Variants in FAM114A1 observed in about 807,000 individuals in gnomAD.
The protein encoded by FAM114A1 is protein NOXP20.
A neutral mutation model predicts 64.3 loss-of-function variants in FAM114A1; 62 were observed. The ratio of observed to expected loss-of-function variants is 0.96; its 90% confidence interval spans 0.79 to 1.19. FAM114A1 has a LOEUF of 1.19. Among genes scored for constraint, FAM114A1 ranks in the 50% most tolerant of loss-of-function variants. FAM114A1 has a pLI of 0.00. For synonymous variants in FAM114A1, 254 were observed against 251.1 expected (o/e 1.01, Z -0.11); for missense variants, 645 against 676.3 (o/e 0.95, Z 0.51).
chr4:38,942,858 G>T (rs1422785068), intron 14 of FAM114A1, among the ~76,000 whole-genome samples: 1 of 151,380 alleles, frequency 6.6e-6, no homozygotes, highest in Non-Finnish European at 1.5e-5. Context: ...GAAAGAGATA[G>T]ATAAGACAGG....
chr4:38,905,424 T>G (rs1287814214), intron 4 of FAM114A1, 98 bp from the exon 5 acceptor site: 2 of 866,650 alleles, frequency 2.3e-6, no homozygotes, highest in East Asian at 4.9e-5. Context: ...AAGAAAGATG[T>G]ACTTCTGCAA....
rs56370212 is a variant in FAM114A1, at chr4:38,882,318, CA to C, written c.348+3915del. ...TGGGCGACAGAGCGAGACTCCGTCTCAAAAAAAAAAAAAAAAAAAAAAAGTT... is the reference window on the plus strand; with the variant it reads ...TGGGCGACAGAGCGAGACTCCGTCTCAAAAAAAAAAAAAAAAAAAAAAGTT... On this transcript the variant is annotated intron_variant, in intron 3 of 14. Transcript: ENST00000358869. Among the ~76,000 whole-genome samples the C allele has an allele frequency of 9.5e-3, 465 of 48,794 alleles. 1 individual carries two copies. The highest frequency in any genetic ancestry group is 0.046 in the Admixed American group (179 of 3,876). The allele number at this position is 48,794 out of a possible 152,430, so 32.0% of individuals were successfully genotyped here. A position where few individuals can be genotyped will look rare whatever the true frequency, so the allele number is the denominator to read the frequency against.
Position 38,927,718 on chromosome 4 carries a change from C to G in FAM114A1, c.1070-1524C>G, listed in dbSNP as rs140296276. Among the ~76,000 whole-genome samples, 768 of 152,322 alleles carry G rather than the reference C, an allele frequency of 5.0e-3. 10 individuals carry two copies. Among genetic ancestry groups the G allele is most frequent in the African/African-American group, 0.018 (739 of 41,568 alleles). On this transcript the variant is annotated intron_variant, in intron 9 of 14. Coordinates refer to ENST00000358869, the MANE Select transcript of FAM114A1 (RefSeq NM_138389.4). ...TTGTTTTTTGAGACAGAGTCTTGCT[C>G]TGTCACCCAGGCTAGAGTGCAGTGG...
At chr4:38,872,816 A>G (rs1446986264) in intron 2 of FAM114A1, among the ~76,000 whole-genome samples, 3 of 152,260 alleles carry the variant, frequency 2.0e-5, no homozygotes, top group Non-Finnish European at 2.9e-5. Context: ...CCGCTATTGT[A>G]GTGCCAGAGA....
chr4:38,928,520 A>G (rs1345971616), intron 9 of FAM114A1, among the ~76,000 whole-genome samples: 1 of 152,142 alleles, frequency 6.6e-6, no homozygotes. Flanking sequence ...ATCATATTAT[A>G]TATTAGGCAA....
rs57914020 is a variant in FAM114A1 at position 38,917,337 on chromosome 4, C to CAA, written c.945+2274_945+2275dup. Reference sequence around the variant, plus strand: ...TGGGCGACAGAGCAAGACTCTGTCTCAAAAAAAAAAAGGCAAGGTCTGGAG... The same window carrying CAA: ...TGGGCGACAGAGCAAGACTCTGTCTCAAAAAAAAAAAAAGGCAAGGTCTGGAG... On this transcript the variant is annotated intron_variant, in intron 8 of 14. Transcript: ENST00000358869. Among the ~76,000 whole-genome samples, 656 of 133,482 alleles carry CAA rather than the reference C, an allele frequency of 4.9e-3. 8 individuals carry two copies. The highest frequency in any genetic ancestry group is 0.017 in the African/African-American group (612 of 36,842). 87.6% of individuals were successfully genotyped at this position (133,482 alleles called of 152,430 possible). A position where few individuals can be genotyped will look rare whatever the true frequency, so the allele number is the denominator to read the frequency against.
At chr4:38,940,945 A>T (rs375852515) in intron 13 of FAM114A1, 23 bp from the exon 14 acceptor site, 3 of 1,613,538 alleles carry the variant, frequency 1.9e-6, no homozygotes, top group Non-Finnish European at 2.5e-6. Flanking sequence ...TAATCTGTCA[A>T]TTTCATACTT....
At chr4:38,928,078 A>G (rs1407300297) in intron 9 of FAM114A1, among the ~76,000 whole-genome samples, 1 of 152,244 alleles carries the variant, frequency 6.6e-6, no homozygotes, top group Non-Finnish European at 1.5e-5. Flanking sequence ...TTGAATAAAT[A>G]CCTACAAGCT....
rs1720715534 is a variant in FAM114A1 at position 38,932,295 on chromosome 4, C to T, written c.1384C>T (p.Leu462Phe). The T allele has an allele frequency of 1.2e-6, 2 of 1,613,736 alleles. No individual in the cohort carries two copies. The highest frequency in any genetic ancestry group is 1.7e-5 in the Admixed American group (1 of 59,932). The part of the protein sequence containing the change: ...AEVTARCIEQ[L>F]HKVAELILHG... ...GGTAACAGCGCGCTGTATTGAGCAGCTTCATAAAGTAGCAGAATTAATTCT... is the reference window on the plus strand; with the variant it reads ...GGTAACAGCGCGCTGTATTGAGCAGTTTCATAAAGTAGCAGAATTAATTCT... Residue 462 changes from leucine to phenylalanine, a missense_variant, in exon 12 of 15, where the codon CTT becomes TTT. Coordinates refer to ENST00000358869, the MANE Select transcript of FAM114A1 (RefSeq NM_138389.4).
chr4:38,898,865 C>T (rs188526658), intron 4 of FAM114A1, among the ~76,000 whole-genome samples: 17 of 150,684 alleles, frequency 1.1e-4, no homozygotes, highest in African/African-American at 3.9e-4. Context: ...ATCTTGAACT[C>T]ATCTATAGAA....
At chr4:38,922,175 C>T (rs1300079161) in intron 8 of FAM114A1, among the ~76,000 whole-genome samples, 5 of 152,064 alleles carry the variant, frequency 3.3e-5, no homozygotes, top group Admixed American at 3.3e-4. Flanking sequence ...GTCCTGACCT[C>T]GTGATCCGCC....
chr4:38,914,870 A>G (rs769458516), intron 7 of FAM114A1, 51 bp from the exon 8 acceptor site: 2 of 1,584,172 alleles, frequency 1.3e-6, no homozygotes, highest in African/African-American at 2.7e-5. Context: ...TACACAGGAA[A>G]CGGTGCTTTT....
At chr4:38,907,649 A>G (rs1276983886) in intron 6 of FAM114A1, among the ~76,000 whole-genome samples, 5 of 152,250 alleles carry the variant, frequency 3.3e-5, no homozygotes, top group African/African-American at 4.8e-5. Context: ...AATACCCAAG[A>G]TGAAAATAAA....
intron 4 of FAM114A1, among the ~76,000 whole-genome samples, chr4:38,900,338 G>A (rs1717397366): frequency 6.6e-6 from 1 of 151,928 alleles, no homozygotes; most frequent in South Asian, 2.1e-4. Flanking sequence ...CAGTACAACA[G>A]TTCCTCAAAA....
rs1488385538 is a variant in FAM114A1 at position 38,943,993 on chromosome 4, TA to T, written c.*439del. The T allele has an allele frequency of 6.5e-6, 1 of 153,242 alleles. No individual in the cohort carries two copies. The highest frequency in any genetic ancestry group is 1.5e-5 in the Non-Finnish European group (1 of 68,818). The allele number at this position is 153,242 out of a possible 1,614,324, so 9.5% of individuals were successfully genotyped here. On this transcript the variant is annotated 3_prime_UTR_variant, in exon 15 of 15. Transcript: ENST00000358869. ...TAAAACTGAACTTTGTTTTGTTACA[TA>T]AATGTCGCAGGCAAAAATAACACTA...
chr4:38,871,329 T>C (rs1714060826), intron 2 of FAM114A1, among the ~76,000 whole-genome samples: 1 of 152,044 alleles, frequency 6.6e-6, no homozygotes, highest in Non-Finnish European at 1.5e-5. Context: ...TGGCCTCAAG[T>C]GATCTGTCTG....
chr4:38,939,082 A>T (rs1721361238), intron 13 of FAM114A1, among the ~76,000 whole-genome samples: 1 of 152,194 alleles, frequency 6.6e-6, no homozygotes, highest in South Asian at 2.1e-4. Context: ...TATTTCTAGT[A>T]AGCAGTCAGG....
rs760195122 is a variant in FAM114A1, at chr4:38,914,993, T to C, written c.865T>C (p.Tyr289His). The change falls in exon 8 of 15, where the codon TAC becomes CAC. Residue 289 changes from tyrosine to histidine, a missense_variant. Tyr to His is a moderately conservative substitution (Grantham distance 83, BLOSUM62 2). Coordinates refer to ENST00000358869, the MANE Select transcript of FAM114A1 (RefSeq NM_138389.4). ...QQLTMERTAH[Y>H]GMLFDEYQGL... Reference sequence around the variant, plus strand: ...GCTCACGATGGAGAGAACCGCGCACTACGGGATGCTGTTTGATGAATATCA... The same window carrying C: ...GCTCACGATGGAGAGAACCGCGCACCACGGGATGCTGTTTGATGAATATCA... 2 of 1,614,162 alleles carry C rather than the reference T, an allele frequency of 1.2e-6. No individual in the cohort carries two copies. The highest frequency in any genetic ancestry group is 8.5e-7 in the Non-Finnish European group (1 of 1,180,014).
intron 9 of FAM114A1, among the ~76,000 whole-genome samples, chr4:38,927,485 T>A (rs905261019): frequency 1.3e-5 from 2 of 152,068 alleles, no homozygotes; most frequent in Admixed American, 1.3e-4. Flanking sequence ...CACTTCATGA[T>A]CTAATCACAC....
Sources: allele counts gnomAD v4.1 joint callset (sites outside exome capture counted in the v4.1 genomes callset), GRCh38; gene constraint gnomAD v4.1.1; transcripts MANE v1.5; gene names NCBI Gene and HGNC (gene_info 2026-07-23, HGNC 2026-07-21).